Variants in RTL4 observed in about 807,000 individuals in gnomAD.
The protein encoded by RTL4 is retrotransposon Gag-like protein 4.
A neutral mutation model predicts 5.3 loss-of-function variants in RTL4; 4 were observed. The ratio of observed to expected loss-of-function variants is 0.75; its 90% confidence interval spans 0.37 to 1.72. The LOEUF is 1.72. Among genes scored for constraint, RTL4 ranks in the 40% most tolerant of loss-of-function variants. RTL4 has a pLI of 0.04. For synonymous variants in RTL4, 98 were observed against 87.3 expected (o/e 1.12, Z -0.68); for missense variants, 260 against 227.1 (o/e 1.14, Z -0.93).
the RTL4 span, among the ~76,000 whole-genome samples, chrX:112,166,312 G>A: frequency 1.8e-4 from 20 of 112,029 alleles, no homozygotes; most frequent in African/African-American, 6.2e-4. Flanking sequence ...GCAAAAGGAA[G>A]AAGAGTAGTA....
the RTL4 span, among the ~76,000 whole-genome samples, chrX:112,183,023 A>C: frequency 8.9e-6 from 1 of 112,408 alleles, no homozygotes; most frequent in Non-Finnish European, 1.9e-5. Flanking sequence ...ATTCTTAAAG[A>C]AAAGAATTTT....
chrX:112,085,713 A>G, the RTL4 span, among the ~76,000 whole-genome samples: 1 of 111,870 alleles, frequency 8.9e-6, no homozygotes, highest in African/African-American at 3.3e-5. Context: ...TTATCCCCTC[A>G]CCATATAGAA....
chrX:112,115,629 G>C, the RTL4 span, among the ~76,000 whole-genome samples: 3 of 111,670 alleles, frequency 2.7e-5, no homozygotes, highest in African/African-American at 9.8e-5. Flanking sequence ...ATTCCAGATA[G>C]TAACCCTGCC....
At chrX:112,395,552 A>G in the RTL4 span, among the ~76,000 whole-genome samples, 4 of 111,697 alleles carry the variant, frequency 3.6e-5, no homozygotes, top group African/African-American at 9.8e-5. Context: ...TCACCCTGAA[A>G]TAGAAAGCTG....
the RTL4 span, among the ~76,000 whole-genome samples, chrX:112,222,885 G>A: frequency 8.9e-6 from 1 of 112,713 alleles, no homozygotes; most frequent in East Asian, 2.8e-4. Flanking sequence ...AAGTGTGGGT[G>A]AGGGAAGGGA....
chrX:112,244,372 G>T, the RTL4 span, among the ~76,000 whole-genome samples: 11 of 111,619 alleles, frequency 9.9e-5, no homozygotes, highest in Non-Finnish European at 1.7e-4. Flanking sequence ...ATGAATCTGG[G>T]TACTCCTGTA....
chrX:112,154,034 C>A, the RTL4 span, among the ~76,000 whole-genome samples: 1 of 110,805 alleles, frequency 9.0e-6, no homozygotes, highest in African/African-American at 3.3e-5. Context: ...TTCTTATTTT[C>A]TTTGTGTTCC....
At chrX:112,188,107 A>T in the RTL4 span, among the ~76,000 whole-genome samples, 1 of 111,546 alleles carries the variant, frequency 9.0e-6, no homozygotes, top group Non-Finnish European at 1.9e-5. Flanking sequence ...TATAATAATC[A>T]TTGTAGAATC....
the RTL4 span, among the ~76,000 whole-genome samples, chrX:112,160,483 G>T: frequency 8.9e-6 from 1 of 112,203 alleles, no homozygotes; most frequent in Non-Finnish European, 1.9e-5. Flanking sequence ...AGATGTATGA[G>T]ATAAATCAGT....
chrX:112,215,076 C>A, the RTL4 span, among the ~76,000 whole-genome samples: 1 of 111,882 alleles, frequency 8.9e-6, no homozygotes, highest in African/African-American at 3.3e-5. Flanking sequence ...GCGTCAGCCA[C>A]TGTGCCCAGC....
the RTL4 span, among the ~76,000 whole-genome samples, chrX:112,240,317 T>G: frequency 2.7e-5 from 3 of 111,072 alleles, no homozygotes; most frequent in Non-Finnish European, 5.7e-5. Flanking sequence ...GAACAGAACC[T>G]GAGGGAATGT....
chrX:112,230,673 A>G, the RTL4 span, among the ~76,000 whole-genome samples: 1 of 112,182 alleles, frequency 8.9e-6, no homozygotes, highest in Non-Finnish European at 1.9e-5. Flanking sequence ...ATGTGCAAGG[A>G]CTTCATGTCT....
At chrX:112,350,834 T>C in the RTL4 span, among the ~76,000 whole-genome samples, 1 of 111,629 alleles carries the variant, frequency 9.0e-6, no homozygotes, top group Admixed American at 9.5e-5. Context: ...GATTCATTAA[T>C]TTTTTGAAGG....
chrX:112,312,235 C>G, the RTL4 span, among the ~76,000 whole-genome samples: 1 of 111,089 alleles, frequency 9.0e-6, no homozygotes, highest in Non-Finnish European at 1.9e-5. Context: ...CTCCCTGGAT[C>G]TCTTATATGT....
the RTL4 span, among the ~76,000 whole-genome samples, chrX:112,108,613 G>A: frequency 8.1e-5 from 9 of 111,185 alleles, no homozygotes; most frequent in Admixed American, 5.7e-4. Context: ...TGACTCTTCC[G>A]GTATAGGCCT....
the RTL4 span, among the ~76,000 whole-genome samples, chrX:112,262,871 AG>A: frequency 9.0e-6 from 1 of 110,936 alleles, no homozygotes; most frequent in Non-Finnish European, 1.9e-5. Flanking sequence ...GTCATAAAAA[AG>A]GATGAGTTCA....
chrX:112,199,182 G>C, the RTL4 span, among the ~76,000 whole-genome samples: 1 of 108,890 alleles, frequency 9.2e-6, no homozygotes, highest in East Asian at 2.9e-4. Context: ...CCAGCTACTT[G>C]GGAGGCTGAG....
At chrX:112,189,635 G>T in the RTL4 span, among the ~76,000 whole-genome samples, 1,298 of 110,783 alleles carry the variant, frequency 0.012, 14 homozygotes, top group African/African-American at 0.039. Context: ...GTGGTGGCAG[G>T]TGCCTGTAAT....
At chrX:112,167,274 T>A in the RTL4 span, among the ~76,000 whole-genome samples, 3 of 111,681 alleles carry the variant, frequency 2.7e-5, no homozygotes, top group Admixed American at 9.6e-5. Context: ...TTCTTTCATA[T>A]CATCTGGGAA....
Sources: gnomAD v4.1 joint callset for allele counts (sites outside exome capture counted in the v4.1 genomes callset) on GRCh38, gnomAD v4.1.1 for gene constraint, MANE v1.5 for transcripts, NCBI Gene and HGNC (gene_info 2026-07-23, HGNC 2026-07-21) for gene names.